Variants in CLMP observed in about 807,000 individuals in gnomAD.
The protein encoded by CLMP is CXADR like cell adhesion molecule, also known as CXADR-like membrane protein.
A neutral mutation model predicts 45.2 loss-of-function variants in CLMP; 27 were observed. The ratio of observed to expected loss-of-function variants is 0.60; its 90% CI spans 0.44 to 0.82. The LOEUF is 0.82. Among genes scored for constraint, CLMP ranks in the 40% least tolerant of loss-of-function variants. The pLI is 0.00. For synonymous variants in CLMP, 167 were observed against 171.4 expected, an observed-to-expected ratio of 0.97 and a Z score of 0.20; for missense variants, 403 against 448.4, an observed-to-expected ratio of 0.90 and a Z score of 0.91.
At chr11:123,139,240 A>G (rs949996710) in intron 1 of CLMP, among the ~76,000 whole-genome samples, 1 of 151,862 alleles carries the variant, frequency 6.6e-6, no homozygotes, top group Non-Finnish European at 1.5e-5. Flanking sequence ...TTTCAACTCA[A>G]CAGGAACCTC....
At position 123,097,895 on chromosome 11, in the gene CLMP, T is replaced by C. The variant is rs1375301225; in HGVS notation, c.86A>G (p.Glu29Gly). The C allele has an allele frequency of 1.9e-6, 3 of 1,609,778 alleles. No homozygotes were observed. In the Admixed American group the frequency reaches 5.1e-5, roughly 27 times the overall value. Reference protein sequence around the residue: ...THTEIKRVAEEKVTLPCHHQL... With the variant: ...THTEIKRVAEGKVTLPCHHQL... ...ATGGTGGCAGGGCAAAGTGACCTTTTCCTCTGCCACTCTCTTGATCTCAGT... is the reference window on the plus strand; with the variant it reads ...ATGGTGGCAGGGCAAAGTGACCTTTCCCTCTGCCACTCTCTTGATCTCAGT... Residue 29 changes from glutamate to glycine, a missense_variant, in exon 2 of 7, where the codon GAA (glutamate) becomes GGA (glycine). Physicochemically the swap from Glu to Gly is moderately conservative, Grantham distance 98. Transcript: ENST00000448775.
chr11:123,137,291 C>T (rs1431307598), intron 1 of CLMP, among the ~76,000 whole-genome samples: 3 of 151,030 alleles, frequency 2.0e-5, no homozygotes, highest in Admixed American at 1.3e-4. Context: ...GTAGCTGGGA[C>T]TACAGGCACC....
At chr11:123,076,988 ATTCTTTT>A (rs1565375483) in intron 5 of CLMP, among the ~76,000 whole-genome samples, 1 of 124,504 alleles carries the variant, frequency 8.0e-6, no homozygotes, top group Non-Finnish European at 1.7e-5. Context: ...TTTGCTATTT[ATTCTTTT>A]TTTTTTTTTT....
chr11:123,152,523 AAAAT>A (rs59307398), intron 1 of CLMP, among the ~76,000 whole-genome samples: 2,402 of 142,758 alleles, frequency 0.017, 54 homozygotes, highest in East Asian at 0.11. Flanking sequence ...ACTCCATCTC[AAAAT>A]AAATAAATAA....
chr11:123,090,591 T>G (rs2135475161), intron 2 of CLMP, among the ~76,000 whole-genome samples: 1 of 152,284 alleles, frequency 6.6e-6, no homozygotes, highest in Middle Eastern at 3.4e-3. Context: ...GCTGCGTTAC[T>G]TCATAGGGTT....
In CLMP at chr11:123,130,855, T is replaced by C. The variant is rs202067213; in HGVS notation, c.29-32903A>G. ...TTTTTCTTTTCCTTTTTTTTTTTTTTTTTTTGAGACGGAGTCTCACTCTGT... is the reference window on the plus strand; with the variant it reads ...TTTTTCTTTTCCTTTTTTTTTTTTTCTTTTTGAGACGGAGTCTCACTCTGT... On this transcript the variant is annotated intron_variant, in intron 1 of 6. Transcript: ENST00000448775. 6.7e-3 allele frequency among the ~76,000 whole-genome samples: 1,002 copies of C among 149,430 alleles called. 27 individuals are homozygous for C. In the East Asian group the frequency reaches 0.099, roughly 15 times the overall value.
In CLMP at chr11:123,105,266, T is replaced by A. The variant is rs551539371; in HGVS notation, c.29-7314A>T. ...CCTGCTCATCTCTGCTAGAAGGGAC[T>A]TTTTCTCACATGACTGCTGCCTACA... On this transcript the variant is annotated intron_variant, in intron 1 of 6. Coordinates refer to ENST00000448775, the MANE Select transcript of CLMP (RefSeq NM_024769.5). Among the ~76,000 whole-genome samples, 7 of 152,324 alleles carry A rather than the reference T, an allele frequency of 4.6e-5. No individual in the cohort carries two copies. The East Asian group carries it at 1.3e-3, about 29-fold the overall frequency.
intron 2 of CLMP, among the ~76,000 whole-genome samples, chr11:123,094,972 C>T (rs945342464): frequency 6.3e-4 from 96 of 152,222 alleles, no homozygotes; most frequent in African/African-American, 1.9e-3. Context: ...CTCACTATAA[C>T]CTCTAAGAAG....
chr11:123,076,991 C>CTTTTTTTTTTTTTTTTTTT (rs869224079), intron 5 of CLMP, among the ~76,000 whole-genome samples: 1 of 99,674 alleles, frequency 1.0e-5, no homozygotes, highest in Non-Finnish European at 2.0e-5. Context: ...GCTATTTATT[C>CTTTTTTTTTTTTTTTTTTT]TTTTTTTTTT....
chr11:123,083,127 C>T lies in CLMP; in HGVS notation c.637G>A (p.Glu213Lys), dbSNP rs542828277. The T allele has an allele frequency of 1.1e-5, 18 of 1,614,188 alleles. No homozygotes were observed. Among genetic ancestry groups the T allele is most frequent in the Middle Eastern group, 1.6e-4 (1 of 6,062 alleles). The change falls in exon 5 of 7, where the codon GAA becomes AAA. Residue 213 changes from glutamate (E) to lysine (K), a missense_variant. By Grantham distance (56) the Glu-to-Lys change is moderately conservative. Coordinates refer to ENST00000448775, the MANE Select transcript of CLMP (RefSeq NM_024769.5). ...ACCACACAGCTTTCCTTCCCAGCTT[C>T]GTTGCCTGCTGTGCACTGGTACAGT... ...SGLYQCTAGN[E>K]AGKESCVVRV...
At chr11:123,113,473 T>G (rs1860671336) in intron 1 of CLMP, among the ~76,000 whole-genome samples, 1 of 152,176 alleles carries the variant, frequency 6.6e-6, no homozygotes, top group Non-Finnish European at 1.5e-5. Context: ...AAAGAAATGT[T>G]TATCCCAGAC....
At chr11:123,084,741 G>T in intron 2 of CLMP, 28 bp from the exon 3 acceptor site, 1 of 1,596,356 alleles carries the variant, frequency 6.3e-7, no homozygotes, top group Non-Finnish European at 8.6e-7. Flanking sequence ...GCAGAGTCAA[G>T]CAGCGTAACT....
intron 6 of CLMP, among the ~76,000 whole-genome samples, chr11:123,074,492 T>C (rs1198924903): frequency 6.6e-6 from 1 of 152,016 alleles, no homozygotes; most frequent in Non-Finnish European, 1.5e-5. Flanking sequence ...TAATTTAACT[T>C]TTAAGTGTTT....
At chr11:123,159,431 C>T (rs1440608272) in intron 1 of CLMP, among the ~76,000 whole-genome samples, 9 of 152,170 alleles carry the variant, frequency 5.9e-5, no homozygotes, top group Admixed American at 5.9e-4. Flanking sequence ...CTTCTCAGGT[C>T]TCCTGTGGGC....
At chr11:123,152,796 C>T (rs1010890298) in intron 1 of CLMP, among the ~76,000 whole-genome samples, 2 of 152,070 alleles carry the variant, frequency 1.3e-5, no homozygotes, top group African/African-American at 2.4e-5. Flanking sequence ...AATTATTTGC[C>T]AAGGACCTTG....
In CLMP at chr11:123,070,972, G is replaced by C. The variant is rs1865664969; in HGVS notation, c.*2502C>G. ...AAGAATTTTGTTTTTTGCACTATGT[G>C]ACGACACGATTGTGAGAATTAAATA... On this transcript the variant is annotated 3_prime_UTR_variant, in exon 7 of 7. Coordinates refer to ENST00000448775, the MANE Select transcript of CLMP (RefSeq NM_024769.5). The C allele has an allele frequency of 1.3e-5, 2 of 152,188 alleles. No individual in the cohort carries two copies. The highest frequency in any genetic ancestry group is 2.4e-5 in the African/African-American group (1 of 41,446). The allele number at this position is 152,188 out of a possible 1,614,324, so 9.4% of individuals were successfully genotyped here. A position where few individuals can be genotyped will look rare whatever the true frequency, so the allele number is the denominator to read the frequency against.
intron 1 of CLMP, among the ~76,000 whole-genome samples, chr11:123,143,273 G>A (rs1014484488): frequency 2.0e-5 from 3 of 152,194 alleles, no homozygotes; most frequent in African/African-American, 7.2e-5. Flanking sequence ...TCTCCTACAA[G>A]CTGAGTGACT....
chr11:123,112,027 G>A (rs939309957), intron 1 of CLMP, among the ~76,000 whole-genome samples: 2 of 151,990 alleles, frequency 1.3e-5, no homozygotes, highest in Non-Finnish European at 2.9e-5. Context: ...TTTTAATTGT[G>A]GAATTTATTA....
At chr11:123,150,644 T>A (rs1054250002) in intron 1 of CLMP, among the ~76,000 whole-genome samples, 13 of 150,090 alleles carry the variant, frequency 8.7e-5, no homozygotes, top group African/African-American at 3.0e-4. Flanking sequence ...GGAAGGAAGG[T>A]AGGTGTGGGG....
Sources: gnomAD v4.1 joint callset for allele counts (sites outside exome capture counted in the v4.1 genomes callset) on GRCh38, gnomAD v4.1.1 for gene constraint, MANE v1.5 for transcripts, NCBI Gene and HGNC (gene_info 2026-07-23, HGNC 2026-07-21) for gene names.